PCDHA12: variants seen among roughly 807,000 people sequenced by gnomAD.
PCDHA12 encodes protocadherin alpha-12.
PCDHA12 carries 44 observed loss-of-function variants against 60.0 expected under a neutral mutation model. That is an observed-to-expected ratio of 0.73 (90% CI 0.58 to 0.94). PCDHA12 has a LOEUF of 0.94. Ranked by LOEUF, PCDHA12 falls within the 40% of genes least tolerant of loss-of-function variation. PCDHA12 has a pLI of 0.00. For missense variants in PCDHA12, 1,276 were observed against 1,239.7 expected (o/e 1.03, Z -0.44); for synonymous variants, 569 against 553.0 (o/e 1.03, Z -0.40).
chr5:141,010,377 G>A lies in PCDHA12; in HGVS notation c.*440G>A. 1 of 1,444,554 alleles carries A rather than the reference G, an allele frequency of 6.9e-7. No individual in the cohort carries two copies. The highest frequency in any genetic ancestry group is 1.4e-5 in the South Asian group (1 of 71,996). The allele number at this position is 1,444,554 out of a possible 1,614,324, so 89.5% of individuals were successfully genotyped here. ...GGCTACCGCGGGTATGCGAGTGCCA[G>A]ATATTGGCTGAGACGAGCCAGCTTA... On this transcript the variant is annotated 3_prime_UTR_variant, in exon 4 of 4. Transcript: ENST00000398631.
intron 1 of PCDHA12, chr5:140,967,749 C>A (rs1554229896): frequency 1.2e-6 from 2 of 1,614,172 alleles, no homozygotes; most frequent in Non-Finnish European, 1.7e-6. Context: ...TATGAGGAAG[C>A]CTCCTCCTAC....
chr5:140,981,504 G>A (rs1435264364), intron 2 of PCDHA12, among the ~76,000 whole-genome samples: 1 of 152,182 alleles, frequency 6.6e-6, no homozygotes, highest in African/African-American at 2.4e-5. Flanking sequence ...AACCTGGGAG[G>A]CAGAGGTTGC....
intron 1 of PCDHA12, chr5:140,929,570 A>G (rs1563117537): frequency 2.2e-6 from 1 of 458,222 alleles, no homozygotes; most frequent in South Asian, 1.1e-4. Flanking sequence ...TAAGAACAAT[A>G]AAAGTAATAT....
rs57893927 is a variant in PCDHA12 at position 140,946,631 on chromosome 5, T to TATATATATATATACACAC, written c.2368-32317_2368-32316insTATATATATATACACACA. ...TGTGAAATATATATATATATATATA[T>TATATATATATATACACAC]ACAATGGAATACTCATCAGCCATTA... On this transcript the variant is annotated intron_variant, in intron 1 of 3. Transcript: ENST00000398631. Among the ~76,000 whole-genome samples the TATATATATATATACACAC allele has an allele frequency of 9.9e-5, 13 of 131,856 alleles. 1 individual carries two copies. The East Asian group carries it at 2.7e-3, about 27-fold the overall frequency. 86.5% of individuals were successfully genotyped at this position (131,856 alleles called of 152,430 possible). A position where few individuals can be genotyped will look rare whatever the true frequency, so the allele number is the denominator to read the frequency against.
rs1489202467 is a variant in PCDHA12 at position 140,882,704 on chromosome 5, A to G, written c.2367+4865A>G. ...GAAACGAATAATCATTGCAGAATCTAGACCTCCGGAAACTCGATTTCCACT... is the reference window on the plus strand; with the variant it reads ...GAAACGAATAATCATTGCAGAATCTGGACCTCCGGAAACTCGATTTCCACT... On this transcript the variant is annotated intron_variant, in intron 1 of 3. Coordinates refer to ENST00000398631, the MANE Select transcript of PCDHA12 (RefSeq NM_018903.4). 6 of 1,614,110 alleles carry G rather than the reference A, an allele frequency of 3.7e-6. No individual in the cohort carries two copies. The African/African-American group carries it at 8.0e-5, about 22-fold the overall frequency.
At chr5:140,927,848 G>C (rs1295513512) in intron 1 of PCDHA12, 1 of 1,614,180 alleles carries the variant, frequency 6.2e-7, no homozygotes, top group African/African-American at 1.3e-5. Flanking sequence ...GGTGTCTTTG[G>C]TTTAGCTAGC....
chr5:140,929,118 A>T, intron 1 of PCDHA12: 2 of 1,614,150 alleles, frequency 1.2e-6, no homozygotes, highest in Non-Finnish European at 1.7e-6. Context: ...CAGCCACCAT[A>T]GATGTCACTA....
At chr5:140,988,471 G>A (rs1442408975) in intron 3 of PCDHA12, among the ~76,000 whole-genome samples, 1 of 152,078 alleles carries the variant, frequency 6.6e-6, no homozygotes, top group Non-Finnish European at 1.5e-5. Context: ...TGTGGGAAGG[G>A]GAATTAGCAT....
intron 1 of PCDHA12, among the ~76,000 whole-genome samples, chr5:140,940,219 T>C (rs1554213221): frequency 6.6e-6 from 1 of 152,180 alleles, no homozygotes; most frequent in Non-Finnish European, 1.5e-5. Context: ...TTGGCATTTA[T>C]TTCATTTTGG....
rs781902632 is a variant in PCDHA12, at chr5:140,875,891, T to C, written c.419T>C (p.Val140Ala). 1.9e-6 allele frequency: 3 copies of C among 1,614,008 alleles called. No individual in the cohort carries two copies. The highest frequency in any genetic ancestry group is 2.5e-6 in the Non-Finnish European group (3 of 1,180,014). ...GTGTTCAGAGAAAGGGAACAAAAGG[T>C]ACCTGTTTCTGAATCTGCGCCTCTG... ...PPVFREREQKVPVSESAPLDS... is the reference protein window; with the variant it reads ...PPVFREREQKAPVSESAPLDS... The change falls in exon 1 of 4, where the codon GTA becomes GCA. Residue 140 changes from valine to alanine, a missense_variant. Physicochemically the swap from Val to Ala is moderately conservative, Grantham distance 64. Coordinates refer to ENST00000398631, the MANE Select transcript of PCDHA12 (RefSeq NM_018903.4).
In PCDHA12 at chr5:140,884,413, G is replaced by C. The variant is rs376737487; in HGVS notation, c.2367+6574G>C. 13 of 1,613,896 alleles carry C rather than the reference G, an allele frequency of 8.1e-6. No homozygotes were observed. The East Asian group carries it at 2.5e-4, about 30-fold the overall frequency. On this transcript the variant is annotated intron_variant, in intron 1 of 3. Transcript: ENST00000398631. Reference sequence around the variant, plus strand: ...TGTCCAGCCTGTTGGTGCTCACGTTGCTGCTGTATACTGCGCTGCGGTGCT... The same window carrying C: ...TGTCCAGCCTGTTGGTGCTCACGTTCCTGCTGTATACTGCGCTGCGGTGCT...
intron 1 of PCDHA12, among the ~76,000 whole-genome samples, chr5:140,976,011 CTAAA>C (rs2096695708): frequency 6.6e-6 from 1 of 152,110 alleles, no homozygotes; most frequent in African/African-American, 2.4e-5. Context: ...TATTAAAGAA[CTAAA>C]TAATCACAGT....
chr5:140,981,779 A>G (rs1231046614), intron 2 of PCDHA12, among the ~76,000 whole-genome samples: 2 of 151,974 alleles, frequency 1.3e-5, no homozygotes, highest in Non-Finnish European at 2.9e-5. Flanking sequence ...ATACTGCACC[A>G]TGTTCTCTTT....
chr5:141,002,841 G>T (rs2098098318), intron 3 of PCDHA12, among the ~76,000 whole-genome samples: 1 of 152,196 alleles, frequency 6.6e-6, no homozygotes, highest in African/African-American at 2.4e-5. Flanking sequence ...CCAGGACTAT[G>T]CACTAGTGAG....
At chr5:140,960,444 T>C in intron 1 of PCDHA12, among the ~76,000 whole-genome samples, 1 of 152,022 alleles carries the variant, frequency 6.6e-6, no homozygotes, top group Non-Finnish European at 1.5e-5. Context: ...TAGATATATG[T>C]ATGGATAATT....
intron 1 of PCDHA12, among the ~76,000 whole-genome samples, chr5:140,912,536 A>G (rs1554195402): frequency 2.0e-5 from 3 of 152,290 alleles, no homozygotes; most frequent in African/African-American, 4.8e-5. Flanking sequence ...GTACATGATC[A>G]TATTGTCAGC....
intron 1 of PCDHA12, among the ~76,000 whole-genome samples, chr5:140,890,783 A>G (rs150043569): frequency 1.3e-5 from 2 of 152,302 alleles, no homozygotes; most frequent in African/African-American, 4.8e-5. Context: ...CCCATAAGAT[A>G]TTAGTATTAT....
intron 1 of PCDHA12, among the ~76,000 whole-genome samples, chr5:140,954,160 A>G (rs1231258623): frequency 6.6e-6 from 1 of 152,188 alleles, no homozygotes; most frequent in Non-Finnish European, 1.5e-5. Flanking sequence ...TATATGTACC[A>G]CATTTTCTTT....
At chr5:141,001,794 T>C (rs2098037139) in intron 3 of PCDHA12, among the ~76,000 whole-genome samples, 1 of 152,184 alleles carries the variant, frequency 6.6e-6, no homozygotes, top group Non-Finnish European at 1.5e-5. Flanking sequence ...CCTGAGTATA[T>C]ACTATCATTC....
Sources: gnomAD v4.1 joint callset for allele counts (sites outside exome capture counted in the v4.1 genomes callset) on GRCh38, gnomAD v4.1.1 for gene constraint, MANE v1.5 for transcripts, NCBI Gene and HGNC (gene_info 2026-07-23, HGNC 2026-07-21) for gene names.